Variants in CD244 observed in about 807,000 individuals in gnomAD.
The protein encoded by CD244 is natural killer cell receptor 2B4.
Under a neutral mutation model 45.5 loss-of-function variants are expected in CD244, and 20 were observed. The observed-to-expected ratio is 0.44, with a 90% CI of 0.31 to 0.64. CD244 has a LOEUF of 0.64. CD244 is among the 30% of genes least tolerant of loss of function. CD244 has a pLI of 0.08. For missense variants in CD244, 407 were observed against 426.9 expected, an observed-to-expected ratio of 0.95 and a Z score of 0.41; for synonymous variants, 185 against 160.5, an observed-to-expected ratio of 1.15 and a Z score of -1.15.
chr1:160,838,724 C>T (rs1669420037), intron 4 of CD244: 1 of 617,082 alleles, frequency 1.6e-6, no homozygotes, highest in Non-Finnish European at 2.9e-6. Context: ...AACCAGCTGT[C>T]TACAGGGAAA....
intron 3 of CD244, among the ~76,000 whole-genome samples, chr1:160,840,770 C>T (rs1669512530): frequency 6.6e-6 from 1 of 152,170 alleles, no homozygotes; most frequent in Non-Finnish European, 1.5e-5. Context: ...AAGAACTCAT[C>T]TAGGTATCCC....
chr1:160,851,952 G>A (rs1003531591), intron 1 of CD244, among the ~76,000 whole-genome samples: 10 of 152,180 alleles, frequency 6.6e-5, no homozygotes, highest in African/African-American at 2.4e-4. Context: ...TTTGGTGAAA[G>A]ACAACATTGA....
chr1:160,844,280 C>T (rs1386526489), intron 1 of CD244, among the ~76,000 whole-genome samples: 1 of 152,192 alleles, frequency 6.6e-6, no homozygotes, highest in Admixed American at 6.5e-5. Context: ...AACCAACAAA[C>T]AGGGCATCTA....
intron 5 of CD244, among the ~76,000 whole-genome samples, chr1:160,838,024 G>A (rs1460173778): frequency 6.6e-6 from 1 of 152,194 alleles, no homozygotes; most frequent in Non-Finnish European, 1.5e-5. Context: ...GCAGCCTATT[G>A]AGCCAGCTAC....
intron 1 of CD244, among the ~76,000 whole-genome samples, chr1:160,857,080 C>A (rs921161959): frequency 6.6e-6 from 1 of 152,210 alleles, no homozygotes. Context: ...GAATTTCATG[C>A]AGGATACCAG....
chr1:160,838,740 G>T, intron 4 of CD244, 199 bp downstream of exon 4: 1 of 615,186 alleles, frequency 1.6e-6, no homozygotes. Flanking sequence ...GGAAATCTGC[G>T]CATTGGGATC....
chr1:160,833,189 A>G (rs1669199265), intron 7 of CD244, among the ~76,000 whole-genome samples: 1 of 152,182 alleles, frequency 6.6e-6, no homozygotes, highest in Non-Finnish European at 1.5e-5. Flanking sequence ...GAACATCTAT[A>G]TGGCCTTATA....
chr1:160,838,531 G>C lies in CD244; in HGVS notation c.767-13C>G, dbSNP rs1315859687. 3 of 1,597,408 alleles carry C rather than the reference G, an allele frequency of 1.9e-6. No individual in the cohort carries two copies. The Admixed American group carries it at 5.0e-5, about 27-fold the overall frequency. On this transcript the variant is annotated splice_polypyrimidine_tract_variant and intron_variant, in intron 4 of 8. Coordinates refer to ENST00000368034, the MANE Select transcript of CD244 (RefSeq NM_016382.4). The stretch of plus-strand genomic sequence containing the variant: ...TTGGGACTGGTCTCTGAGGGAGGAA[G>C]AAAACAAAGAGCAGAGCTGCAGAAA...
intron 1 of CD244, among the ~76,000 whole-genome samples, chr1:160,847,122 T>A (rs1212287164): frequency 1.3e-5 from 2 of 151,600 alleles, no homozygotes; most frequent in Non-Finnish European, 2.9e-5. Flanking sequence ...TAGAAGGAAA[T>A]GTCATCATTA....
chr1:160,839,153 T>C, intron 3 of CD244, 104 bp from the exon 4 acceptor site: 1 of 716,372 alleles, frequency 1.4e-6, no homozygotes. Flanking sequence ...TTTCTCTGTG[T>C]TGTGGCTGAT....
intron 1 of CD244, among the ~76,000 whole-genome samples, chr1:160,852,745 A>G (rs571752367): frequency 6.6e-6 from 1 of 151,080 alleles, no homozygotes; most frequent in South Asian, 2.1e-4. Flanking sequence ...AATCTGGGCC[A>G]GGCATGGTGG....
At chr1:160,842,793 A>G (rs1460983970) in intron 1 of CD244, among the ~76,000 whole-genome samples, 1 of 152,226 alleles carries the variant, frequency 6.6e-6, no homozygotes, top group Non-Finnish European at 1.5e-5. Context: ...CTTGCCTCTC[A>G]AAGAATCAAG....
rs1399714680 is a variant in CD244 at position 160,830,988 on chromosome 1, G to A, written c.*359C>T. Reference sequence around the variant, plus strand: ...AGTCTAGAAATGCAGTCAACCCAGAGAGGGGAGAAAAGGAAACAAGTGACA... The same window carrying A: ...AGTCTAGAAATGCAGTCAACCCAGAAAGGGGAGAAAAGGAAACAAGTGACA... On this transcript the variant is annotated 3_prime_UTR_variant, in exon 9 of 9. Transcript: ENST00000368034. 5.3e-6 allele frequency: 1 copy of A among 188,958 alleles called. No homozygotes were observed. Among genetic ancestry groups the A allele is most frequent in the Non-Finnish European group, 1.1e-5 (1 of 89,356 alleles). 11.7% of individuals were successfully genotyped at this position (188,958 alleles called of 1,614,324 possible). A position where few individuals can be genotyped will look rare whatever the true frequency, so the allele number is the denominator to read the frequency against.
chr1:160,838,633 G>C (rs1251463717), intron 4 of CD244, 115 bp from the exon 5 acceptor site: 1 of 793,536 alleles, frequency 1.3e-6, no homozygotes, highest in Non-Finnish European at 2.2e-6. Flanking sequence ...GTTCTAGAAA[G>C]GAGGCAAGTT....
rs1341928425 is a variant in CD244, at chr1:160,862,718, C to G, written c.-41G>C. 6.3e-7 allele frequency: 1 copy of G among 1,594,118 alleles called. No homozygotes were observed. The highest frequency in any genetic ancestry group is 8.6e-7 in the Non-Finnish European group (1 of 1,163,462). The stretch of plus-strand genomic sequence containing the variant: ...GGGCCAGGCCAGCCCCTCCACCCCA[C>G]CAGACTCTCTGCCGTGCACGGGCTC... On this transcript the variant is annotated 5_prime_UTR_variant, in exon 1 of 9. Coordinates refer to ENST00000368034, the MANE Select transcript of CD244 (RefSeq NM_016382.4).
Position 160,841,439 on chromosome 1 carries a change from G to A in CD244, c.426C>T (p.Asp142=), listed in dbSNP as rs1669537699. The A allele has an allele frequency of 6.2e-7, 1 of 1,613,992 alleles. No homozygotes were observed. The highest frequency in any genetic ancestry group is 1.3e-5 in the African/African-American group (1 of 74,918). ...PRLQGQGKIL[D]RGRCQVALSC... is the part of the protein sequence containing the mutation. ...ACAGAGCCACTTGGCATCTCCCTCTGTCCAGGATCTTCCCCTGCCCCTGTA... is the reference window on the plus strand; with the variant it reads ...ACAGAGCCACTTGGCATCTCCCTCTATCCAGGATCTTCCCCTGCCCCTGTA... The change falls in exon 3 of 9, where the codon GAC becomes GAT. Residue 142 remains aspartate, a synonymous_variant. Transcript: ENST00000368034.
chr1:160,853,954 G>T (rs1035950579), intron 1 of CD244, among the ~76,000 whole-genome samples: 3 of 152,104 alleles, frequency 2.0e-5, no homozygotes, highest in Admixed American at 2.0e-4. Context: ...CAGAGGCGGT[G>T]GGTGGGAGCT....
intron 1 of CD244, among the ~76,000 whole-genome samples, chr1:160,856,408 C>T (rs1454083843): frequency 6.6e-6 from 1 of 152,156 alleles, no homozygotes; most frequent in Non-Finnish European, 1.5e-5. Flanking sequence ...AGTGCATCTC[C>T]CTTTCCTGTT....
chr1:160,849,283 C>CTTTTTTTTTTTTTTTTTTTTTTTT (rs371170555), intron 1 of CD244, among the ~76,000 whole-genome samples: 2 of 139,326 alleles, frequency 1.4e-5, no homozygotes, highest in Non-Finnish European at 1.5e-5. Context: ...CCATCTCTTT[C>CTTTTTTTTTTTTTTTTTTTTTTTT]TTTTTTTTTT....
Sources: allele counts gnomAD v4.1 joint callset (sites outside exome capture counted in the v4.1 genomes callset), GRCh38; gene constraint gnomAD v4.1.1; transcripts MANE v1.5; gene names NCBI Gene and HGNC (gene_info 2026-07-23, HGNC 2026-07-21).